The following KCNIP3 variants were observed in gnomAD, a reference collection of about 807,000 sequenced individuals.
The protein encoded by KCNIP3 is potassium voltage-gated channel interacting protein 3, also known as calsenilin.
A neutral mutation model predicts 35.0 loss-of-function variants in KCNIP3; 28 were observed. The ratio of observed to expected loss-of-function variants is 0.80; its 90% CI spans 0.59 to 1.10. The LOEUF (loss-of-function observed/expected upper bound fraction) is 1.10, where lower values mean the gene tolerates loss of function less well. KCNIP3 is among the 50% of genes least tolerant of loss of function. The probability of loss-of-function intolerance (pLI) is 0.00; values close to 1 mark genes in which losing one functional copy is unlikely to be tolerated. For synonymous variants in KCNIP3, 134 were observed against 133.8 expected (o/e 1.00, Z -0.01); for missense variants, 295 against 338.4 (o/e 0.87, Z 1.01).
intron 2 of KCNIP3, among the ~76,000 whole-genome samples, chr2:95,341,655 G>A (rs1249133682): frequency 2.0e-5 from 3 of 152,164 alleles, no homozygotes; most frequent in Non-Finnish European, 2.9e-5. Context: ...GCTCAAAGAG[G>A]CAATGTGCTG....
chr2:95,327,206 A>T (rs1268306538), intron 2 of KCNIP3, among the ~76,000 whole-genome samples: 2 of 152,132 alleles, frequency 1.3e-5, no homozygotes. Context: ...AGTCCTGATG[A>T]TGGTGCCTTA....
chr2:95,314,644 C>T (rs1261510115), intron 2 of KCNIP3, among the ~76,000 whole-genome samples: 3 of 152,230 alleles, frequency 2.0e-5, no homozygotes, highest in Non-Finnish European at 4.4e-5. Flanking sequence ...TGGCCGATGG[C>T]CCTTGATGCC....
At chr2:95,357,413 G>A (rs1679681521) in intron 2 of KCNIP3, among the ~76,000 whole-genome samples, 1 of 152,114 alleles carries the variant, frequency 6.6e-6, no homozygotes, top group Non-Finnish European at 1.5e-5. Flanking sequence ...TGCCCTGCCT[G>A]CCTCTTCCCC....
chr2:95,379,668 A>G (rs1680289331), intron 5 of KCNIP3, among the ~76,000 whole-genome samples: 1 of 152,152 alleles, frequency 6.6e-6, no homozygotes, highest in Non-Finnish European at 1.5e-5. Context: ...TGCTTGATCC[A>G]TTGTAGGGAC....
chr2:95,337,132 A>G (rs1233212724), intron 2 of KCNIP3, among the ~76,000 whole-genome samples: 3 of 151,940 alleles, frequency 2.0e-5, no homozygotes, highest in African/African-American at 7.3e-5. Context: ...TCTGAGCTCT[A>G]TTTCCTTTAT....
chr2:95,314,238 G>A (rs1012326139), intron 2 of KCNIP3, among the ~76,000 whole-genome samples: 4 of 152,118 alleles, frequency 2.6e-5, no homozygotes, highest in Non-Finnish European at 2.9e-5. Context: ...CAGAATTTTC[G>A]CGTATTTGAA....
intron 2 of KCNIP3, among the ~76,000 whole-genome samples, chr2:95,341,336 C>G (rs531929108): frequency 6.6e-6 from 1 of 152,190 alleles, no homozygotes; most frequent in African/African-American, 2.4e-5. Context: ...ACCAGCACCA[C>G]GCTGCCTGGT....
In KCNIP3 at chr2:95,378,781, C is replaced by T. The variant is rs528903338; in HGVS notation, c.448-2815C>T. On this transcript the variant is annotated intron_variant, in intron 5 of 8. Coordinates refer to ENST00000295225, the MANE Select transcript of KCNIP3 (RefSeq NM_013434.5). This position sits in a 1 kb window ranked among gnomAD's most constrained non-coding sequence, Gnocchi z 4.0. ...CAAAAACAAAATATATATATATATA[C>T]ACACACACACACACATATATATATA... 6.0e-4 allele frequency among the ~76,000 whole-genome samples: 89 copies of T among 149,028 alleles called. No homozygotes were observed. The highest frequency in any genetic ancestry group is 9.8e-4 in the Non-Finnish European group (66 of 67,244).
At chr2:95,305,173 G>A (rs183355209) in intron 1 of KCNIP3, among the ~76,000 whole-genome samples, 1 of 152,202 alleles carries the variant, frequency 6.6e-6, no homozygotes, top group Non-Finnish European at 1.5e-5. Flanking sequence ...TTAAAATGAG[G>A]CCGGCATCGA....
At chr2:95,332,566 T>G (rs1304757251) in intron 2 of KCNIP3, among the ~76,000 whole-genome samples, 1 of 152,230 alleles carries the variant, frequency 6.6e-6, no homozygotes, top group Non-Finnish European at 1.5e-5. Flanking sequence ...GAGGTGTTCC[T>G]TAATATTAAA....
At chr2:95,369,270 T>G (rs1679986697) in intron 2 of KCNIP3, among the ~76,000 whole-genome samples, 2 of 152,230 alleles carry the variant, frequency 1.3e-5, no homozygotes, top group African/African-American at 4.8e-5. Context: ...TGTTGTTTTA[T>G]TTTTAAATAT....
intron 2 of KCNIP3, among the ~76,000 whole-genome samples, chr2:95,340,928 G>T (rs1262837300): frequency 6.6e-6 from 1 of 152,178 alleles, no homozygotes; most frequent in Non-Finnish European, 1.5e-5. Flanking sequence ...TTTAAGCCAA[G>T]GAATGGGGTT....
At chr2:95,380,406 G>A (rs1177161857) in intron 5 of KCNIP3, among the ~76,000 whole-genome samples, 1 of 152,100 alleles carries the variant, frequency 6.6e-6, no homozygotes, top group African/African-American at 2.4e-5. Context: ...AACACTTGAG[G>A]GGCCTCGGGG....
chr2:95,334,714 A>G (rs537824856), intron 2 of KCNIP3, among the ~76,000 whole-genome samples: 1 of 152,316 alleles, frequency 6.6e-6, no homozygotes, highest in Admixed American at 6.5e-5. Context: ...AATCCTCCAC[A>G]TGGGAGAGGA....
chr2:95,309,271 G>A (rs1678253572), intron 1 of KCNIP3, among the ~76,000 whole-genome samples: 1 of 152,194 alleles, frequency 6.6e-6, no homozygotes, highest in African/African-American at 2.4e-5. Flanking sequence ...TGGGCCAGCT[G>A]CCAGCATGGG....
intron 1 of KCNIP3, among the ~76,000 whole-genome samples, chr2:95,304,894 G>A (rs1678132287): frequency 1.3e-5 from 2 of 152,176 alleles, no homozygotes; most frequent in East Asian, 1.9e-4. Flanking sequence ...TACAGATCTC[G>A]GCCACCAGGT....
intron 2 of KCNIP3, among the ~76,000 whole-genome samples, chr2:95,362,554 C>T (rs1343448287): frequency 1.3e-5 from 2 of 152,200 alleles, no homozygotes; most frequent in Admixed American, 6.5e-5. Flanking sequence ...TGAGGGGACA[C>T]AGTTCAATCC....
At chr2:95,297,483 TGGAGGGGGGTC>T in intron 1 of KCNIP3, 30 bp downstream of exon 1, 1 of 187,610 alleles carries the variant, frequency 5.3e-6, no homozygotes, top group African/African-American at 2.3e-4. Flanking sequence ...GGTCTTGCTC[TGGAGGGGGGTC>T]GGGGGGAGGA....
chr2:95,355,230 C>G (rs1435738850), intron 2 of KCNIP3: 1 of 152,192 alleles, frequency 6.6e-6, no homozygotes, highest in African/African-American at 2.4e-5. Context: ...TGCCCTGGTC[C>G]AAGTCCACAG....
Sources: allele counts gnomAD v4.1 joint callset (sites outside exome capture counted in the v4.1 genomes callset), GRCh38; gene constraint gnomAD v4.1.1; non-coding constraint Gnocchi (gnomAD v3.1); transcripts MANE v1.5; gene names NCBI Gene and HGNC (gene_info 2026-07-23, HGNC 2026-07-21).